Variants in ATP9A observed in about 807,000 individuals in gnomAD.
The protein encoded by ATP9A is ATPase phospholipid transporting 9A, also known as probable phospholipid-transporting ATPase IIA.
In ATP9A, 52 loss-of-function variants were observed where a neutral mutation model predicts 144.1. That is an observed-to-expected ratio of 0.36 (90% confidence interval 0.29 to 0.45). The LOEUF (loss-of-function observed/expected upper bound fraction) is 0.45, where lower values mean the gene tolerates loss of function less well. Among genes scored for constraint, ATP9A ranks in the 20% least tolerant of loss-of-function variants. ATP9A has a pLI of 1.00. For missense variants in ATP9A, 947 were observed against 1,392.7 expected (o/e 0.68, Z 5.09); for synonymous variants, 582 against 557.4 (o/e 1.04, Z -0.62).
At chr20:51,716,575 C>G (rs562862966) in intron 3 of ATP9A, among the ~76,000 whole-genome samples, 1 of 151,778 alleles carries the variant, frequency 6.6e-6, no homozygotes, top group South Asian at 2.1e-4. Flanking sequence ...ATTGTCTGAG[C>G]CCAGGAGGCA....
chr20:51,627,493 C>A, intron 17 of ATP9A, 107 bp downstream of exon 17: 2 of 1,027,226 alleles, frequency 1.9e-6, no homozygotes, highest in African/African-American at 1.6e-5. Flanking sequence ...CCCAGTGTGC[C>A]CAGAAATGAC....
chr20:51,656,553 G>A (rs557423902), intron 14 of ATP9A, among the ~76,000 whole-genome samples: 28 of 152,102 alleles, frequency 1.8e-4, no homozygotes, highest in African/African-American at 4.1e-4. Context: ...ACTGTATCTC[G>A]GGGAAAAAAA....
chr20:51,633,973 T>C (rs2122738641), intron 15 of ATP9A, among the ~76,000 whole-genome samples: 1 of 152,042 alleles, frequency 6.6e-6, no homozygotes. Context: ...CTGTAACTTT[T>C]TGTTCTAAAT....
chr20:51,767,432 A>G (rs2077910001), intron 1 of ATP9A, among the ~76,000 whole-genome samples: 1 of 145,956 alleles, frequency 6.9e-6, no homozygotes, highest in East Asian at 2.1e-4. Context: ...CGCCCAGGTA[A>G]GTCTATGGCA....
chr20:51,758,637 C>A (rs1035661723), intron 1 of ATP9A, among the ~76,000 whole-genome samples: 9 of 152,168 alleles, frequency 5.9e-5, no homozygotes, highest in East Asian at 1.9e-4. Flanking sequence ...GTAGAAAGAG[C>A]CCTTTTGGGC....
chr20:51,751,589 TTTTTGTTTTG>T (rs893937529), intron 1 of ATP9A, among the ~76,000 whole-genome samples: 4 of 151,694 alleles, frequency 2.6e-5, no homozygotes, highest in African/African-American at 9.7e-5. Flanking sequence ...TTGTTTTTTG[TTTTTGTTTTG>T]TTTTGTTTTG....
At chr20:51,704,781 AAAACAAAAAACAAAC>A (rs1321351785) in intron 4 of ATP9A, among the ~76,000 whole-genome samples, 46 of 152,370 alleles carry the variant, frequency 3.0e-4, no homozygotes, top group African/African-American at 1.1e-3. Context: ...ACTCCATCTC[AAAACAAAAAACAAAC>A]AAACAAAAAA....
chr20:51,676,917 C>CTTT lies in ATP9A; in HGVS notation c.800-712_800-710dup, dbSNP rs34062000. Among the ~76,000 whole-genome samples the CTTT allele has an allele frequency of 4.0e-3, 275 of 68,440 alleles. 11 individuals are homozygous for CTTT. Among genetic ancestry groups the CTTT allele is most frequent in the African/African-American group, 0.01 (179 of 17,722 alleles). The allele number at this position is 68,440 out of a possible 152,430, so 44.9% of individuals were successfully genotyped here. A position where few individuals can be genotyped will look rare whatever the true frequency, so the allele number is the denominator to read the frequency against. ...AGGCATGAGCCACCACGCCCAGTCT[C>CTTT]TTTTTTTTTTTTTTTTTTTTTTTTT... On this transcript the variant is annotated intron_variant, in intron 9 of 27. Coordinates refer to ENST00000338821, the MANE Select transcript of ATP9A (RefSeq NM_006045.3).
chr20:51,752,068 A>G (rs1441528681), intron 1 of ATP9A, among the ~76,000 whole-genome samples: 1 of 150,658 alleles, frequency 6.6e-6, no homozygotes, highest in African/African-American at 2.5e-5. Flanking sequence ...AAAAAAAAAC[A>G]AGAAAAAAAA....
chr20:51,718,486 G>C (rs971940491), intron 3 of ATP9A, among the ~76,000 whole-genome samples: 3 of 151,662 alleles, frequency 2.0e-5, no homozygotes, highest in Non-Finnish European at 4.4e-5. Flanking sequence ...GGAGGAGTGG[G>C]GGGCAAAAAG....
rs570980352 is a variant in ATP9A, at chr20:51,671,398, A to G, written c.1038-141T>C. Reference sequence around the variant, plus strand: ...GAAGCACACTGCCAGAGCTGAACGCACAGACTCAGCAAGAGCCAGCACCAC... The same window carrying G: ...GAAGCACACTGCCAGAGCTGAACGCGCAGACTCAGCAAGAGCCAGCACCAC... On this transcript the variant is annotated intron_variant, in intron 11 of 27. Transcript: ENST00000338821. 1,507 of 918,696 alleles carry G rather than the reference A, an allele frequency of 1.6e-3. 9 individuals are homozygous for G. The highest frequency in any genetic ancestry group is 2.1e-3 in the Non-Finnish European group (1,270 of 617,138). The allele number at this position is 918,696 out of a possible 1,614,324, so 56.9% of individuals were successfully genotyped here. A position where few individuals can be genotyped will look rare whatever the true frequency, so the allele number is the denominator to read the frequency against.
At chr20:51,730,763 A>G (rs114820502) in intron 1 of ATP9A, among the ~76,000 whole-genome samples, 324 of 152,352 alleles carry the variant, frequency 2.1e-3, no homozygotes, top group African/African-American at 7.5e-3. Context: ...ACATATCTAC[A>G]TATAGAAAAA....
chr20:51,613,922 A>C (rs1029516899), intron 22 of ATP9A, 90 bp from the exon 23 acceptor site: 2 of 1,351,392 alleles, frequency 1.5e-6, no homozygotes, highest in Non-Finnish European at 1.0e-6. Flanking sequence ...ACATTGTAGG[A>C]AATCTTTGAA....
intron 10 of ATP9A, among the ~76,000 whole-genome samples, chr20:51,675,853 C>A (rs2077474633): frequency 1.4e-5 from 2 of 146,238 alleles, no homozygotes; most frequent in East Asian, 2.0e-4. Context: ...GTATTCCTGC[C>A]TGAGCAACAA....
chr20:51,691,749 C>T (rs2077549474), intron 7 of ATP9A, among the ~76,000 whole-genome samples: 1 of 152,152 alleles, frequency 6.6e-6, no homozygotes, highest in Non-Finnish European at 1.5e-5. Flanking sequence ...CGGCTATATA[C>T]CCAAAAGAAA....
chr20:51,646,300 G>A (rs1376799311), intron 14 of ATP9A, among the ~76,000 whole-genome samples: 1 of 152,124 alleles, frequency 6.6e-6, no homozygotes, highest in Admixed American at 6.6e-5. Context: ...ACGCTCAGTA[G>A]CCTTGAATTC....
At chr20:51,733,344 T>C (rs375590782) in intron 1 of ATP9A, among the ~76,000 whole-genome samples, 1 of 151,934 alleles carries the variant, frequency 6.6e-6, no homozygotes, top group East Asian at 1.9e-4. Flanking sequence ...GAGACACCAA[T>C]AGATTCAGTA....
chr20:51,615,554 G>T (rs1309830036), intron 22 of ATP9A, among the ~76,000 whole-genome samples: 1 of 152,190 alleles, frequency 6.6e-6, no homozygotes. Context: ...TATACACACA[G>T]AAAAAATGTT....
chr20:51,711,787 A>AGGG (rs67259158), intron 4 of ATP9A, among the ~76,000 whole-genome samples: 1 of 95,338 alleles, frequency 1.0e-5, no homozygotes, highest in African/African-American at 2.9e-5. Context: ...ATATCTTGCA[A>AGGG]GTGGGGGGTC....
Sources: gnomAD v4.1 joint callset for allele counts (sites outside exome capture counted in the v4.1 genomes callset) on GRCh38, gnomAD v4.1.1 for gene constraint, MANE v1.5 for transcripts, NCBI Gene and HGNC (gene_info 2026-07-23, HGNC 2026-07-21) for gene names.